RANBP3: variants seen among roughly 807,000 people sequenced by gnomAD.
The protein encoded by RANBP3 is RAN binding protein 3.
Under a neutral mutation model 77.3 loss-of-function variants are expected in RANBP3, and 14 were observed. The observed-to-expected ratio is 0.18, with a 90% CI of 0.12 to 0.28. The LOEUF (loss-of-function observed/expected upper bound fraction) is 0.28. Ranked by LOEUF, RANBP3 falls within the 10% of genes least tolerant of loss-of-function variation. RANBP3 has a pLI of 1.00. For synonymous variants in RANBP3, 315 were observed against 312.4 expected (o/e 1.01, Z -0.09); for missense variants, 586 against 752.3 (o/e 0.78, Z 2.59).
rs528740870 is a variant in RANBP3, at chr19:5,924,653, C to T, written c.996+174G>A. Among the ~76,000 whole-genome samples the T allele has an allele frequency of 1.6e-4, 25 of 152,352 alleles. No homozygotes were observed. Among genetic ancestry groups the T allele is most frequent in the African/African-American group, 4.6e-4 (19 of 41,576 alleles). ...TGCCAGTTCGTAGGCAGCCAGTGGC[C>T]CTGGCCAGTTTTCAGGCTGAGTCTG... On this transcript the variant is annotated intron_variant, in intron 11 of 16. Transcript: ENST00000340578. This position sits in a 1 kb window ranked among gnomAD's most constrained non-coding sequence, Gnocchi z 4.7.
chr19:5,918,074 G>A (rs2057767146), intron 15 of RANBP3, 94 bp from the exon 16 acceptor site: 3 of 1,371,092 alleles, frequency 2.2e-6, no homozygotes, highest in East Asian at 4.8e-5. Flanking sequence ...AGGTTCAGAG[G>A]TGACACTGCC....
At chr19:5,975,066 C>T (rs1465188197) in intron 1 of RANBP3, among the ~76,000 whole-genome samples, 2 of 152,194 alleles carry the variant, frequency 1.3e-5, no homozygotes, top group East Asian at 3.8e-4. Flanking sequence ...CATGGGGCAG[C>T]CCCTAAAGCT....
chr19:5,931,535 T>C lies in RANBP3; in HGVS notation c.566-4A>G. 1 of 1,604,254 alleles carries C rather than the reference T, an allele frequency of 6.2e-7. No homozygotes were observed. The highest frequency in any genetic ancestry group is 8.5e-7 in the Non-Finnish European group (1 of 1,173,636). On this transcript the variant is annotated splice_polypyrimidine_tract_variant and splice_region_variant and intron_variant, in intron 7 of 16. Coordinates refer to ENST00000340578, the MANE Select transcript of RANBP3 (RefSeq NM_007322.3). Reference sequence around the variant, plus strand: ...CCGTTGGTGCCACTGCTGGGGACTGTGGGAGGGAAGGAGAGTGGGGAATCA... The same window carrying C: ...CCGTTGGTGCCACTGCTGGGGACTGCGGGAGGGAAGGAGAGTGGGGAATCA...
At chr19:5,922,383 G>A (rs958606264) in intron 13 of RANBP3, among the ~76,000 whole-genome samples, 2 of 152,146 alleles carry the variant, frequency 1.3e-5, no homozygotes, top group African/African-American at 2.4e-5. Context: ...GCCACGATAC[G>A]CCACCCGGTT....
In RANBP3 at chr19:5,943,839, A is replaced by G. The variant is rs368317941; in HGVS notation, c.283-2004T>C. Among the ~76,000 whole-genome samples, 19 of 152,320 alleles carry G rather than the reference A, an allele frequency of 1.2e-4. No homozygotes were observed. In the East Asian group the frequency reaches 3.1e-3, roughly 25 times the overall value. ...GTGGGTTCTATTAGTCACTGGGGCAATTGTGAAAATACCACTGAGTCCAAA... is the reference window on the plus strand; with the variant it reads ...GTGGGTTCTATTAGTCACTGGGGCAGTTGTGAAAATACCACTGAGTCCAAA... On this transcript the variant is annotated intron_variant, in intron 3 of 16. Transcript: ENST00000340578.
intron 9 of RANBP3, among the ~76,000 whole-genome samples, chr19:5,925,969 A>G (rs1409859691): frequency 6.6e-6 from 1 of 152,144 alleles, no homozygotes; most frequent in African/African-American, 2.4e-5. Context: ...AGCTCCAAGG[A>G]GCCTTTTCCA....
At chr19:5,942,700 C>CAAAAAA (rs11298054) in intron 3 of RANBP3, among the ~76,000 whole-genome samples, 1 of 90,850 alleles carries the variant, frequency 1.1e-5, no homozygotes, top group African/African-American at 4.3e-5. Flanking sequence ...GACTCTGTCT[C>CAAAAAA]AAAAAAAAAA....
At chr19:5,937,519 C>T (rs535227328) in intron 5 of RANBP3, among the ~76,000 whole-genome samples, 1 of 152,298 alleles carries the variant, frequency 6.6e-6, no homozygotes, top group African/African-American at 2.4e-5. Flanking sequence ...GGGTCTCAGT[C>T]CTTTTTTCTA....
At chr19:5,941,923 A>C in intron 3 of RANBP3, 88 bp from the exon 4 acceptor site, 3 of 1,455,488 alleles carry the variant, frequency 2.1e-6, no homozygotes, top group Non-Finnish European at 2.9e-6. Context: ...ATATCCCAAC[A>C]TGCACCACGG....
intron 3 of RANBP3, among the ~76,000 whole-genome samples, chr19:5,945,236 C>A (rs1568464529): frequency 6.6e-6 from 1 of 152,246 alleles, no homozygotes; most frequent in Non-Finnish European, 1.5e-5. Flanking sequence ...TCCGGCCTTA[C>A]AGAAGGAACT....
chr19:5,937,160 G>A (rs1352088197), intron 5 of RANBP3, among the ~76,000 whole-genome samples: 2 of 151,514 alleles, frequency 1.3e-5, no homozygotes, highest in African/African-American at 2.4e-5. Context: ...ACACTGGAGG[G>A]CAGGAGTGTG....
rs1014915843 is a variant in RANBP3 at position 5,933,535 on chromosome 19, T to TG, written c.407-57dup. 5 of 1,518,102 alleles carry TG rather than the reference T, an allele frequency of 3.3e-6. No homozygotes were observed. In the Admixed American group the frequency reaches 6.9e-5, roughly 21 times the overall value. 94.0% of individuals were successfully genotyped at this position (1,518,102 alleles called of 1,614,324 possible). A position where few individuals can be genotyped will look rare whatever the true frequency, so the allele number is the denominator to read the frequency against. On this transcript the variant is annotated intron_variant, in intron 5 of 16. Transcript: ENST00000340578. ...GGCCTGCCTGGGCTGGGGCTGGGCC[T>TG]GGGGGGCAAGGGCAGGAGAGGACTA...
At chr19:5,977,487 G>T (rs955524111) in intron 1 of RANBP3, among the ~76,000 whole-genome samples, 4 of 152,140 alleles carry the variant, frequency 2.6e-5, no homozygotes, top group African/African-American at 7.2e-5. Context: ...CGCCCCGAAG[G>T]ATCCGGGGGG....
At position 5,946,318 on chromosome 19, in the gene RANBP3, G is replaced by A. The variant is rs993458881; in HGVS notation, c.283-4483C>T. ...GACTTGCTGCGTGGGTGGAGTCCGT[G>A]TCCTCCACCATGTCCCCTTCAGTGA... On this transcript the variant is annotated intron_variant, in intron 3 of 16. Coordinates refer to ENST00000340578, the MANE Select transcript of RANBP3 (RefSeq NM_007322.3). 2.0e-5 allele frequency among the ~76,000 whole-genome samples: 3 copies of A among 152,304 alleles called. No individual in the cohort carries two copies. The East Asian group carries it at 5.8e-4, about 29-fold the overall frequency.
intron 14 of RANBP3, among the ~76,000 whole-genome samples, chr19:5,919,292 G>C (rs925021520): frequency 1.3e-4 from 20 of 152,226 alleles, no homozygotes; most frequent in Non-Finnish European, 2.8e-4. Flanking sequence ...CCCACCCCGT[G>C]GACTCAGCCA....
At chr19:5,945,657 T>C (rs1055057065) in intron 3 of RANBP3, among the ~76,000 whole-genome samples, 1 of 152,178 alleles carries the variant, frequency 6.6e-6, no homozygotes, top group African/African-American at 2.4e-5. Context: ...ACTCTTACGG[T>C]TGACTCGACT....
chr19:5,976,203 G>A (rs914433787), intron 1 of RANBP3, among the ~76,000 whole-genome samples: 2 of 152,212 alleles, frequency 1.3e-5, no homozygotes, highest in Admixed American at 1.3e-4. Context: ...AAAGACCATG[G>A]GATGGGCAGG....
intron 1 of RANBP3, among the ~76,000 whole-genome samples, chr19:5,970,811 T>C (rs581910): frequency 0.7 from 106,418 of 152,100 alleles, 37,442 homozygotes; most frequent in Admixed American, 0.79. Context: ...TCCTCAGACT[T>C]GCGTATCATC....
intron 1 of RANBP3, among the ~76,000 whole-genome samples, chr19:5,964,103 T>C (rs1235401751): frequency 6.6e-6 from 1 of 152,102 alleles, no homozygotes; most frequent in African/African-American, 2.4e-5. Context: ...CCTGCTACCC[T>C]CAACCCACTT....
Sources: gnomAD v4.1 joint callset for allele counts (sites outside exome capture counted in the v4.1 genomes callset) on GRCh38, gnomAD v4.1.1 for gene constraint, Gnocchi (gnomAD v3.1) non-coding constraint, MANE v1.5 for transcripts, NCBI Gene and HGNC (gene_info 2026-07-23, HGNC 2026-07-21) for gene names.